Variants in TFE3 observed in about 807,000 individuals in gnomAD.
TFE3 encodes transcription factor binding to IGHM enhancer 3.
A neutral mutation model predicts 35.0 loss-of-function variants in TFE3; 5 were observed. That is an observed-to-expected ratio of 0.14 (90% CI 0.07 to 0.30). The LOEUF (loss-of-function observed/expected upper bound fraction) is 0.30. Ranked by LOEUF, TFE3 falls within the 10% of genes least tolerant of loss-of-function variation. The pLI is 1.00. For missense variants in TFE3, 374 were observed against 496.6 expected, an observed-to-expected ratio of 0.75 and a Z score of 2.35; for synonymous variants, 211 against 215.6, an observed-to-expected ratio of 0.98 and a Z score of 0.18.
At position 49,038,320 on chromosome X, in the gene TFE3, C is replaced by T. The variant is rs200293583; in HGVS notation, c.657G>A (p.Pro219=). The T allele has an allele frequency of 3.2e-5, 39 of 1,203,687 alleles. 1 individual carries two copies. The highest frequency in any genetic ancestry group is 2.4e-4 in the Middle Eastern group (1 of 4,226). The change falls in exon 4 of 10, where the codon CCG becomes CCA. Residue 219 remains proline (P), a synonymous_variant. Transcript: ENST00000315869. ...PKLASQALTP[P]PGPASAQPLP... ...GTGGCTGGGCACTTGCGGGCCCCGG[C>T]GGTGGGGTGAGGGCCTGGGAAGCCA...
In TFE3 at chrX:49,029,532, G is replaced by C; in HGVS notation, c.*626C>G. The C allele has an allele frequency of 6.6e-6, 2 of 304,775 alleles. No homozygotes were observed. Among genetic ancestry groups the C allele is most frequent in the Non-Finnish European group, 1.2e-5 (2 of 163,452 alleles). 25.1% of individuals were successfully genotyped at this position (304,775 alleles called of 1,213,427 possible). On this transcript the variant is annotated 3_prime_UTR_variant, in exon 10 of 10. Coordinates refer to ENST00000315869, the MANE Select transcript of TFE3 (RefSeq NM_006521.6). ...ACCTGTGCTGGGCTGTTCCTATAGG[G>C]AAGGGGTGGGGCCTGGCTCCTCCAT...
chrX:49,043,020 G>T (rs1557075939), intron 1 of TFE3, 91 bp downstream of exon 1: 3 of 766,457 alleles, frequency 3.9e-6, no homozygotes, highest in African/African-American at 4.4e-5. Flanking sequence ...TAGGCCGAGG[G>T]CCTCCAATCC....
At position 49,030,420 on chromosome X, in the gene TFE3, T is replaced by A. The variant is rs782115854; in HGVS notation, c.1466A>T (p.His489Leu). ...TGAGGGCGGTGCAGGGGGCTGCTGA[T>A]GGGGAGCATTCTGGGCAGGTCCCCC... ...VGGGPAQNAPHQQPPAPPSDA... is the reference protein window; with the variant it reads ...VGGGPAQNAPLQQPPAPPSDA... Residue 489 changes from histidine (H) to leucine (L), a missense_variant, in exon 10 of 10, where the codon CAT becomes CTT. His to Leu is a moderately conservative substitution (Grantham distance 99, BLOSUM62 -3). This residue lies in a region of TFE3 where 117 missense variants were observed against 111.9 expected (regional missense o/e 1.05). Transcript: ENST00000315869. 8.3e-7 allele frequency: 1 copy of A among 1,208,895 alleles called. No homozygotes were observed. Among genetic ancestry groups the A allele is most frequent in the Non-Finnish European group, 1.1e-6 (1 of 894,891 alleles).
In TFE3 at chrX:49,028,876, G is replaced by T. The variant is rs192133171; in HGVS notation, c.*1282C>A. 7.0e-5 allele frequency: 12 copies of T among 172,415 alleles called. No individual in the cohort carries two copies. Among genetic ancestry groups the T allele is most frequent in the Non-Finnish European group, 1.1e-4 (10 of 90,344 alleles). 14.2% of individuals were successfully genotyped at this position (172,415 alleles called of 1,213,427 possible). A position where few individuals can be genotyped will look rare whatever the true frequency, so the allele number is the denominator to read the frequency against. ...GTAGGTATGAGGGGTGGGAATGGAG[G>T]GGGGAGTGTCTCTTGATAACTCTGA... On this transcript the variant is annotated 3_prime_UTR_variant, in exon 10 of 10. Transcript: ENST00000315869.
chrX:49,034,428 G>C (rs781807680), intron 5 of TFE3, among the ~76,000 whole-genome samples, 177 bp from the exon 6 acceptor site: 2 of 111,792 alleles, frequency 1.8e-5, no homozygotes, highest in Non-Finnish European at 3.8e-5. Flanking sequence ...TTCACATGGC[G>C]ACCAAACAGG....
Position 49,038,344 on chromosome X carries a change from C to T in TFE3, c.633G>A (p.Leu211=). 8.3e-7 allele frequency: 1 copy of T among 1,206,742 alleles called. No homozygotes were observed. Among genetic ancestry groups the T allele is most frequent in the South Asian group, 1.8e-5 (1 of 56,449 alleles). The change falls in exon 4 of 10, where the codon CTG becomes CTA. Residue 211 remains leucine, a synonymous_variant. Coordinates refer to ENST00000315869, the MANE Select transcript of TFE3 (RefSeq NM_006521.6). ...GCGGTGGGGTGAGGGCCTGGGAAGC[C>T]AGCTTGGGCCCGAGTGTGGTGGACA... is the stretch of plus-strand genomic sequence containing the variant. The part of the protein sequence containing the change: ...QYLSTTLGPK[L]ASQALTPPPG...
chrX:49,032,383 C>T (rs1011688042), intron 8 of TFE3, among the ~76,000 whole-genome samples: 10 of 110,670 alleles, frequency 9.0e-5, no homozygotes, highest in Admixed American at 8.7e-4. Context: ...GACAGGCCTA[C>T]GCCACCACGC....
intron 1 of TFE3, 92 bp downstream of exon 1, chrX:49,043,019 G>A: frequency 1.3e-6 from 1 of 761,513 alleles, no homozygotes; most frequent in Non-Finnish European, 1.8e-6. Flanking sequence ...CTAGGCCGAG[G>A]GCCTCCAATC....
At chrX:49,039,845 T>C (rs782726106) in intron 2 of TFE3, 8 of 116,921 alleles carry the variant, frequency 6.8e-5, no homozygotes, top group Admixed American at 9.5e-5. Flanking sequence ...GGGGTGGGCG[T>C]CAGGTGATAG....
At position 49,030,121 on chromosome X, in the gene TFE3, C is replaced by T; in HGVS notation, c.*37G>A. On this transcript the variant is annotated 3_prime_UTR_variant, in exon 10 of 10. Transcript: ENST00000315869. The stretch of plus-strand genomic sequence containing the variant: ...CCTCATCCTGACTGGTCCTCCTTTC[C>T]TGGGTGGGAAAGTCCCAGGGGAGGG... 7.6e-6 allele frequency: 9 copies of T among 1,183,280 alleles called. No homozygotes were observed. The highest frequency in any genetic ancestry group is 2.5e-5 in the Admixed American group (1 of 40,351).
At chrX:49,040,303 G>A in intron 2 of TFE3, 152 bp downstream of exon 2, 2 of 435,250 alleles carry the variant, frequency 4.6e-6, no homozygotes, top group Non-Finnish European at 7.9e-6. Context: ...TTTCCTGTGT[G>A]ACATGCTCTT....
At chrX:49,036,068 G>C (rs996471657) in intron 5 of TFE3, among the ~76,000 whole-genome samples, 5 of 110,358 alleles carry the variant, frequency 4.5e-5, no homozygotes, top group African/African-American at 1.3e-4. Context: ...TTACTTGGGA[G>C]GCTGAGGTGG....
At chrX:49,041,523 G>A (rs1242899058) in intron 1 of TFE3, among the ~76,000 whole-genome samples, 1 of 111,828 alleles carries the variant, frequency 8.9e-6, no homozygotes, top group East Asian at 2.8e-4. Context: ...ACAAGAGGGA[G>A]AATTTGGGTG....
intron 2 of TFE3, among the ~76,000 whole-genome samples, chrX:49,040,214 T>C (rs2064753460): frequency 1.8e-5 from 2 of 110,619 alleles, no homozygotes; most frequent in African/African-American, 3.3e-5. Context: ...CACTTGCATA[T>C]GAATGGGTGT....
intron 8 of TFE3, 107 bp downstream of exon 8, chrX:49,033,358 A>G (rs1223384499): frequency 3.0e-5 from 21 of 706,256 alleles, no homozygotes; most frequent in Non-Finnish European, 4.2e-5. Context: ...GACAGAGGAG[A>G]AATGCCTGGG....
chrX:49,033,375 C>T, intron 8 of TFE3, 90 bp downstream of exon 8: 2 of 856,960 alleles, frequency 2.3e-6, no homozygotes, highest in Non-Finnish European at 3.4e-6. Flanking sequence ...TGGGCCGAGA[C>T]TGCCTGGTGA....
At position 49,029,838 on chromosome X, in the gene TFE3, C is replaced by T. The variant is rs782614013; in HGVS notation, c.*320G>A. The T allele has an allele frequency of 6.1e-6, 3 of 490,620 alleles. No individual in the cohort carries two copies. The highest frequency in any genetic ancestry group is 3.9e-5 in the East Asian group (1 of 25,627). The allele number at this position is 490,620 out of a possible 1,213,427, so 40.4% of individuals were successfully genotyped here. On this transcript the variant is annotated 3_prime_UTR_variant, in exon 10 of 10. Transcript: ENST00000315869. ...GTCGAGACCTCATCCTGTCTCCTTCCCTCACCTGGGCAAGGATGAGTCCCA... is the reference window on the plus strand; with the variant it reads ...GTCGAGACCTCATCCTGTCTCCTTCTCTCACCTGGGCAAGGATGAGTCCCA...
chrX:49,042,179 C>A (rs1443288046), intron 1 of TFE3, among the ~76,000 whole-genome samples: 1 of 111,478 alleles, frequency 9.0e-6, no homozygotes, highest in African/African-American at 3.3e-5. Context: ...AATCTGTACT[C>A]GTTCCAGCTC....
At chrX:49,036,445 A>G (rs1557074758) in intron 5 of TFE3, among the ~76,000 whole-genome samples, 1 of 99,130 alleles carries the variant, frequency 1.0e-5, no homozygotes, top group Non-Finnish European at 2.0e-5. Context: ...CAGCCTGGAC[A>G]AGGAGAGTGA....
Sources: allele counts gnomAD v4.1 joint callset (sites outside exome capture counted in the v4.1 genomes callset), GRCh38; gene constraint gnomAD v4.1.1; regional missense constraint gnomAD v4.1.1; transcripts MANE v1.5; gene names NCBI Gene and HGNC (gene_info 2026-07-23, HGNC 2026-07-21).